Variants in NBEA observed in about 807,000 individuals in gnomAD.
The protein encoded by NBEA is neurobeachin.
A neutral mutation model predicts 343.4 loss-of-function variants in NBEA; 44 were observed. The ratio of observed to expected loss-of-function variants is 0.13; its 90% CI spans 0.10 to 0.16. The LOEUF (loss-of-function observed/expected upper bound fraction) is 0.16, where lower values mean the gene tolerates loss of function less well. Among genes scored for constraint, NBEA ranks in the 10% least tolerant of loss-of-function variants. NBEA has a pLI of 1.00. For synonymous variants in NBEA, 1,175 were observed against 1,238.7 expected, an observed-to-expected ratio of 0.95 and a Z score of 1.08; for missense variants, 2,555 against 3,631.3, an observed-to-expected ratio of 0.70 and a Z score of 7.62.
chr13:35,023,074 T>A (rs1269662609), intron 1 of NBEA, among the ~76,000 whole-genome samples: 1 of 152,032 alleles, frequency 6.6e-6, no homozygotes, highest in Non-Finnish European at 1.5e-5. Context: ...CAAAAACTAG[T>A]CAGGAAGACA....
intron 40 of NBEA, among the ~76,000 whole-genome samples, chr13:35,453,802 C>A (rs1222111387): frequency 2.0e-5 from 3 of 152,040 alleles, no homozygotes; most frequent in Non-Finnish European, 2.9e-5. Context: ...GACTAATAAC[C>A]TTTTTATATT....
intron 1 of NBEA, among the ~76,000 whole-genome samples, chr13:34,969,327 A>G (rs1361892965): frequency 6.6e-6 from 1 of 152,010 alleles, no homozygotes; most frequent in African/African-American, 2.4e-5. Context: ...AAAAAAAAAA[A>G]ACTAAAATTT....
At chr13:35,505,700 G>T (rs955653302) in intron 41 of NBEA, among the ~76,000 whole-genome samples, 11 of 152,116 alleles carry the variant, frequency 7.2e-5, no homozygotes, top group African/African-American at 2.4e-4. Flanking sequence ...CCTCGAAAAG[G>T]TTAATGTAGT....
intron 11 of NBEA, among the ~76,000 whole-genome samples, chr13:35,108,782 G>A (rs1373327576): frequency 6.6e-6 from 1 of 151,960 alleles, no homozygotes; most frequent in African/African-American, 2.4e-5. Flanking sequence ...TGAAGCGAGT[G>A]TTCAGCATAG....
At chr13:35,067,240 C>A (rs1566233461) in intron 8 of NBEA, among the ~76,000 whole-genome samples, 2 of 151,964 alleles carry the variant, frequency 1.3e-5, no homozygotes, top group Non-Finnish European at 2.9e-5. Flanking sequence ...ATTTATGAAT[C>A]TCTTCATTTG....
At chr13:34,976,779 TGAG>T (rs1300663261) in intron 1 of NBEA, among the ~76,000 whole-genome samples, 1 of 151,756 alleles carries the variant, frequency 6.6e-6, no homozygotes, top group Non-Finnish European at 1.5e-5. Context: ...GGTGACAACT[TGAG>T]GAGTTACTTG....
At chr13:35,348,325 G>C (rs893195182) in intron 36 of NBEA, among the ~76,000 whole-genome samples, 1 of 152,048 alleles carries the variant, frequency 6.6e-6, no homozygotes, top group African/African-American at 2.4e-5. Context: ...TGTGGGAAAA[G>C]AATATATTTG....
chr13:35,575,239 A>C (rs1593264769), intron 45 of NBEA, among the ~76,000 whole-genome samples: 2 of 152,192 alleles, frequency 1.3e-5, no homozygotes, highest in Non-Finnish European at 2.9e-5. Context: ...AAAATTGTGT[A>C]CTGATTTGCT....
At chr13:35,602,343 C>CA (rs764732699) in intron 47 of NBEA, among the ~76,000 whole-genome samples, 186 of 151,144 alleles carry the variant, frequency 1.2e-3, no homozygotes, top group African/African-American at 4.1e-3. Flanking sequence ...AAACTGAGAC[C>CA]AAAAAAAAAT....
At chr13:35,243,226 G>T (rs567807319) in intron 34 of NBEA, among the ~76,000 whole-genome samples, 1 of 151,904 alleles carries the variant, frequency 6.6e-6, no homozygotes, top group South Asian at 2.1e-4. Flanking sequence ...ATAATTTTAA[G>T]ATGTTTTATG....
At chr13:35,053,815 C>T (rs1436427621) in intron 6 of NBEA, among the ~76,000 whole-genome samples, 2 of 152,076 alleles carry the variant, frequency 1.3e-5, no homozygotes, top group Non-Finnish European at 2.9e-5. Flanking sequence ...AACTTTTCCT[C>T]ATAGTTTTCA....
chr13:35,023,806 A>G (rs949085530), intron 1 of NBEA, among the ~76,000 whole-genome samples: 6 of 152,186 alleles, frequency 3.9e-5, no homozygotes, highest in Admixed American at 2.0e-4. Flanking sequence ...TTTCTTTAGA[A>G]AATCGCAAGG....
intron 41 of NBEA, among the ~76,000 whole-genome samples, chr13:35,495,234 G>A (rs970624597): frequency 1.3e-5 from 2 of 151,706 alleles, no homozygotes; most frequent in African/African-American, 4.8e-5. Context: ...AATAATATCA[G>A]ATAAAATAGA....
chr13:35,134,639 A>C (rs895169515), intron 17 of NBEA, among the ~76,000 whole-genome samples: 19 of 152,042 alleles, frequency 1.2e-4, no homozygotes, highest in Admixed American at 1.0e-3. Flanking sequence ...TTACTGAAAA[A>C]TAAAGATTAA....
At chr13:35,581,454 CT>C (rs2153036405) in intron 45 of NBEA, among the ~76,000 whole-genome samples, 1 of 151,928 alleles carries the variant, frequency 6.6e-6, no homozygotes, top group Admixed American at 6.6e-5. Context: ...CCTTCGCCCA[CT>C]TTTTGATGGT....
chr13:35,483,089 A>C (rs1283762079), intron 41 of NBEA, among the ~76,000 whole-genome samples: 1 of 151,996 alleles, frequency 6.6e-6, no homozygotes, highest in African/African-American at 2.4e-5. Context: ...AATATTTCAG[A>C]TATATAAGCA....
chr13:35,088,157 A>G (rs759760828), intron 10 of NBEA, among the ~76,000 whole-genome samples: 4 of 151,904 alleles, frequency 2.6e-5, no homozygotes, highest in Non-Finnish European at 4.4e-5. Context: ...ACTGAATGCA[A>G]TCCAAAAGGC....
In NBEA at chr13:35,637,651, G is replaced by A. The variant is rs551678340; in HGVS notation, c.7618-8218G>A. Among the ~76,000 whole-genome samples, 35 of 151,930 alleles carry A rather than the reference G, an allele frequency of 2.3e-4. 1 individual carries two copies. Among genetic ancestry groups the A allele is most frequent in the Admixed American group, 1.8e-3 (28 of 15,250 alleles). On this transcript the variant is annotated intron_variant, in intron 49 of 58. Transcript: ENST00000379939. ...AGCTTGGCCAATATGGTGAAACTCC[G>A]TCTCTACTAAAAATACAAAAATTAG...
chr13:35,566,318 G>A (rs557095622), intron 44 of NBEA, among the ~76,000 whole-genome samples: 66 of 152,230 alleles, frequency 4.3e-4, no homozygotes, highest in African/African-American at 1.5e-3. Context: ...CCAAGATCGC[G>A]CCATTGCACT....
Sources: allele counts gnomAD v4.1 joint callset (sites outside exome capture counted in the v4.1 genomes callset), GRCh38; gene constraint gnomAD v4.1.1; transcripts MANE v1.5; gene names NCBI Gene and HGNC (gene_info 2026-07-23, HGNC 2026-07-21).